Variants in RPL26L1 observed in about 807,000 individuals in gnomAD.
RPL26L1 encodes the protein ribosomal protein L26 like 1, also known as ribosomal protein uL24-like.
In RPL26L1, 8 loss-of-function variants were observed where a neutral mutation model predicts 15.2. That is an observed-to-expected ratio of 0.53 (90% confidence interval 0.31 to 0.95). The LOEUF (loss-of-function observed/expected upper bound fraction) is 0.95, where lower values mean the gene tolerates loss of function less well. Among genes scored for constraint, RPL26L1 ranks in the 40% least tolerant of loss-of-function variants. RPL26L1 has a pLI of 0.05. For missense variants in RPL26L1, 146 were observed against 190.9 expected (o/e 0.76, Z 1.39); for synonymous variants, 51 against 65.9 (o/e 0.77, Z 1.09).
intron 2 of RPL26L1, among the ~76,000 whole-genome samples, chr5:172,965,399 C>T (rs1365550281): frequency 6.6e-6 from 1 of 152,118 alleles, no homozygotes; most frequent in East Asian, 1.9e-4. Flanking sequence ...GGAAAGTTCC[C>T]TTAGCTTTCC....
upstream of RPL26L1, chr5:172,959,423 C>T: frequency 1.0e-6 from 1 of 997,910 alleles, no homozygotes; most frequent in Non-Finnish European, 1.2e-6. Context: ...CACGGAAACT[C>T]ACTTCCGGCC....
chr5:172,957,593 A>G (rs1292823976), upstream of RPL26L1: 1 of 278,206 alleles, frequency 3.6e-6, no homozygotes, highest in Non-Finnish European at 7.1e-6. Context: ...TAGAGAAATG[A>G]GTGAATAAAC....
chr5:172,957,633 G>A (rs1173130012), upstream of RPL26L1: 1 of 241,602 alleles, frequency 4.1e-6, no homozygotes, highest in East Asian at 1.2e-4. Flanking sequence ...GTGAATGAAT[G>A]AGTGAATGAA....
upstream of RPL26L1, chr5:172,954,848 T>A (rs551215637): frequency 4.6e-6 from 2 of 433,396 alleles, no homozygotes; most frequent in Non-Finnish European, 9.4e-6. Context: ...TCTAACCAGA[T>A]GTGGATTACA....
At chr5:172,962,244 C>T (rs1218065064) in intron 2 of RPL26L1, among the ~76,000 whole-genome samples, 4 of 152,216 alleles carry the variant, frequency 2.6e-5, no homozygotes, top group Non-Finnish European at 4.4e-5. Flanking sequence ...TGATGGCTCA[C>T]GCCTGTAATC....
intron 2 of RPL26L1, among the ~76,000 whole-genome samples, chr5:172,960,734 T>C (rs1315472438): frequency 6.8e-6 from 1 of 147,654 alleles, no homozygotes; most frequent in Non-Finnish European, 1.5e-5. Context: ...GGGAGTTGGA[T>C]ATGAGTGAAA....
upstream of RPL26L1, chr5:172,958,101 C>G (rs1464874857): frequency 3.2e-6 from 1 of 310,162 alleles, no homozygotes; most frequent in African/African-American, 2.2e-5. Flanking sequence ...CCCGTCTCTA[C>G]TAAAAATACA....
chr5:172,959,297 G>T (rs933662145), upstream of RPL26L1: 14 of 885,488 alleles, frequency 1.6e-5, no homozygotes, highest in Non-Finnish European at 1.6e-5. Context: ...CACTGGCATC[G>T]CCCTCCCGGG....
chr5:172,962,187 A>G (rs755540074), intron 2 of RPL26L1, among the ~76,000 whole-genome samples: 6 of 152,158 alleles, frequency 3.9e-5, no homozygotes, highest in Admixed American at 1.3e-4. Context: ...ACAGAGTGGT[A>G]TTATTTGCAA....
chr5:172,963,990 TAGAG>T (rs1374471527), intron 2 of RPL26L1, among the ~76,000 whole-genome samples: 1 of 152,042 alleles, frequency 6.6e-6, no homozygotes, highest in Non-Finnish European at 1.5e-5. Flanking sequence ...GCCTGACACT[TAGAG>T]AGGAGAAGGG....
Position 172,968,653 on chromosome 5 carries a change from C to G in RPL26L1, c.309+54C>G. ...AGCCATGGAGTGTGTCAATACTGTTCAAAGTTATTGGTGTTTTGGTACTCC... is the reference window on the plus strand; with the variant it reads ...AGCCATGGAGTGTGTCAATACTGTTGAAAGTTATTGGTGTTTTGGTACTCC... On this transcript the variant is annotated intron_variant, in intron 3 of 3. Coordinates refer to ENST00000265100, the MANE Select transcript of RPL26L1 (RefSeq NM_016093.4). 2.5e-6 allele frequency: 4 copies of G among 1,609,268 alleles called. No individual in the cohort carries two copies. In the East Asian group the frequency reaches 6.7e-5, roughly 27 times the overall value.
chr5:172,968,316 A>G, intron 2 of RPL26L1, 143 bp from the exon 3 acceptor site: 1 of 1,044,034 alleles, frequency 9.6e-7, no homozygotes, highest in Non-Finnish European at 1.4e-6. Flanking sequence ...TTTATATCAG[A>G]AAAGTAGCTA....
chr5:172,961,609 C>G (rs1013126937), intron 2 of RPL26L1, among the ~76,000 whole-genome samples: 1 of 152,210 alleles, frequency 6.6e-6, no homozygotes, highest in Non-Finnish European at 1.5e-5. Context: ...CAGTCTATTC[C>G]CTGTCCCCAC....
rs544751094 is a variant in RPL26L1 at position 172,959,652 on chromosome 5, C to T, written c.-10+184C>T. 2.5e-6 allele frequency: 3 copies of T among 1,207,590 alleles called. No homozygotes were observed. In the South Asian group the frequency reaches 4.7e-5, roughly 19 times the overall value. The allele number at this position is 1,207,590 out of a possible 1,614,324, so 74.8% of individuals were successfully genotyped here. ...GGTCCCAGTGCTACCCTCTCCCCCA[C>T]GACCCCTTTAGACGGGCATGCGACC... On this transcript the variant is annotated intron_variant, in intron 1 of 3. Transcript: ENST00000265100.
upstream of RPL26L1, chr5:172,955,822 C>T (rs778812759): frequency 4.6e-5 from 7 of 152,208 alleles, no homozygotes; most frequent in Admixed American, 3.9e-4. Flanking sequence ...AGAGAGACCT[C>T]GTAACTTGGC....
Position 172,969,361 on chromosome 5 carries a change from C to T in RPL26L1, c.310-52C>T. ...CTTAACTTATGATGTCTATATTGCTCAATAGCTGGTGGGGATGCAGAAATA... is the reference window on the plus strand; with the variant it reads ...CTTAACTTATGATGTCTATATTGCTTAATAGCTGGTGGGGATGCAGAAATA... On this transcript the variant is annotated intron_variant, in intron 3 of 3. Coordinates refer to ENST00000265100, the MANE Select transcript of RPL26L1 (RefSeq NM_016093.4). The T allele has an allele frequency of 1.9e-6, 3 of 1,591,470 alleles. 1 individual carries two copies. Among genetic ancestry groups the T allele is most frequent in the South Asian group, 2.2e-5 (2 of 89,516 alleles).
At chr5:172,962,101 A>G (rs549845791) in intron 2 of RPL26L1, among the ~76,000 whole-genome samples, 1 of 152,256 alleles carries the variant, frequency 6.6e-6, no homozygotes, top group Non-Finnish European at 1.5e-5. Flanking sequence ...TCTACCTCCA[A>G]AGTAAGTCTT....
chr5:172,961,763 TCTG>T (rs1384720633), intron 2 of RPL26L1, among the ~76,000 whole-genome samples: 4 of 152,366 alleles, frequency 2.6e-5, no homozygotes, highest in African/African-American at 7.2e-5. Flanking sequence ...GCTTTAAATG[TCTG>T]CTGTGTGCTA....
At chr5:172,966,429 C>T (rs1755454984) in intron 2 of RPL26L1, among the ~76,000 whole-genome samples, 1 of 138,088 alleles carries the variant, frequency 7.2e-6, no homozygotes, top group Non-Finnish European at 1.5e-5. Context: ...CCTAAAGTAC[C>T]AGGATTACAG....
Sources: allele counts gnomAD v4.1 joint callset (sites outside exome capture counted in the v4.1 genomes callset), GRCh38; gene constraint gnomAD v4.1.1; transcripts MANE v1.5; gene names NCBI Gene and HGNC (gene_info 2026-07-23, HGNC 2026-07-21).